APOD: variants seen among roughly 807,000 people sequenced by gnomAD.
APOD encodes apo-D.
Under a neutral mutation model 20.4 loss-of-function variants are expected in APOD, and 22 were observed. The ratio of observed to expected loss-of-function variants is 1.08; its 90% CI spans 0.77 to 1.54. The LOEUF (loss-of-function observed/expected upper bound fraction) is 1.54, where lower values mean the gene tolerates loss of function less well. Ranked by LOEUF, APOD falls within the 40% of genes most tolerant of loss-of-function variation. The pLI is 0.00. For missense variants in APOD, 223 were observed against 229.6 expected (o/e 0.97, Z 0.19); for synonymous variants, 97 against 92.4 (o/e 1.05, Z -0.29).
At chr3:195,579,043 G>A (rs1463609315) in intron 2 of APOD, among the ~76,000 whole-genome samples, 1 of 152,150 alleles carries the variant, frequency 6.6e-6, no homozygotes, top group Non-Finnish European at 1.5e-5. Context: ...CTCAGAGGGT[G>A]CCCAGTGTGA....
At chr3:195,574,059 T>A in intron 2 of APOD, 88 bp from the exon 3 acceptor site, 1 of 1,533,278 alleles carries the variant, frequency 6.5e-7, no homozygotes. Flanking sequence ...CAGAGCCCTG[T>A]CCTGGGGAAG....
At chr3:195,572,602 C>T (rs944349094) in intron 3 of APOD, among the ~76,000 whole-genome samples, 2 of 152,106 alleles carry the variant, frequency 1.3e-5, no homozygotes, top group Non-Finnish European at 2.9e-5. Flanking sequence ...AGGGAGGGTG[C>T]TAAGGCATCA....
At chr3:195,574,910 C>T (rs1248247467) in intron 2 of APOD, among the ~76,000 whole-genome samples, 1 of 152,196 alleles carries the variant, frequency 6.6e-6, no homozygotes, top group African/African-American at 2.4e-5. Flanking sequence ...TATTAAGGCA[C>T]CTTTTGTGTA....
At chr3:195,573,619 T>C (rs547218164) in intron 3 of APOD, among the ~76,000 whole-genome samples, 1 of 152,348 alleles carries the variant, frequency 6.6e-6, no homozygotes, top group South Asian at 2.1e-4. Flanking sequence ...TATTTTGCAG[T>C]GAGTGCAGGA....
At chr3:195,570,491 T>C (rs1720141114) in intron 4 of APOD, 1 of 152,232 alleles carries the variant, frequency 6.6e-6, no homozygotes, top group Admixed American at 6.5e-5. Context: ...TCTTGGTCTA[T>C]AAAATTAGAA....
chr3:195,571,713 GT>G (rs1347424336), intron 3 of APOD, among the ~76,000 whole-genome samples: 2 of 151,992 alleles, frequency 1.3e-5, no homozygotes, highest in Non-Finnish European at 2.9e-5. Context: ...CCTGCTCCCA[GT>G]CTCCAAAGAA....
chr3:195,579,471 G>T lies in APOD; in HGVS notation c.-10C>A. On this transcript the variant is annotated 5_prime_UTR_variant, in exon 2 of 5. Coordinates refer to ENST00000343267, the MANE Select transcript of APOD (RefSeq NM_001647.4). ...GCAGCAGCATCACCATCTTGGGGCT[G>T]GGTGGCTGGAGAAGGGACCTGGAGC... 1.9e-6 allele frequency: 3 copies of T among 1,611,780 alleles called. No homozygotes were observed. Among genetic ancestry groups the T allele is most frequent in the Non-Finnish European group, 2.5e-6 (3 of 1,179,994 alleles).
chr3:195,581,987 G>A (rs7614493), intron 1 of APOD, among the ~76,000 whole-genome samples: 3,500 of 152,238 alleles, frequency 0.023, 59 homozygotes, highest in Middle Eastern at 0.051. Context: ...TGACCAACAT[G>A]GAGAAACCCT....
rs765342921 is a variant in APOD at position 195,579,509 on chromosome 3, A to C, written c.-34-14T>G. 1 of 1,602,160 alleles carries C rather than the reference A, an allele frequency of 6.2e-7. No homozygotes were observed. Among genetic ancestry groups the C allele is most frequent in the East Asian group, 2.2e-5 (1 of 44,834 alleles). The stretch of plus-strand genomic sequence containing the variant: ...AGGGACCTGGAGCTGCGGGAACGCA[A>C]AGCAGCTGGGGTTGTCATTCTGAGC... On this transcript the variant is annotated splice_polypyrimidine_tract_variant and intron_variant, in intron 1 of 4. Transcript: ENST00000343267.
Position 195,579,322 on chromosome 3 carries a change from G to T in APOD, c.123+17C>A, listed in dbSNP as rs372722113. The T allele has an allele frequency of 5.0e-6, 8 of 1,613,914 alleles. No homozygotes were observed. In the East Asian group the frequency reaches 1.8e-4, roughly 36 times the overall value. On this transcript the variant is annotated intron_variant, in intron 2 of 4. Coordinates refer to ENST00000343267, the MANE Select transcript of APOD (RefSeq NM_001647.4). Reference sequence around the variant, plus strand: ...CACAGCGGAGGCAGCAAAACAAACGGGAGGTTCGCCTTTTACCTTATTCAC... The same window carrying T: ...CACAGCGGAGGCAGCAAAACAAACGTGAGGTTCGCCTTTTACCTTATTCAC...
chr3:195,581,271 C>T (rs977617744), intron 1 of APOD, among the ~76,000 whole-genome samples: 1 of 152,146 alleles, frequency 6.6e-6, no homozygotes, highest in African/African-American at 2.4e-5. Flanking sequence ...GGGCCACTTT[C>T]CCTGGTCTCT....
At chr3:195,575,954 A>T (rs1217876546) in intron 2 of APOD, among the ~76,000 whole-genome samples, 1 of 152,164 alleles carries the variant, frequency 6.6e-6, no homozygotes, top group Non-Finnish European at 1.5e-5. Flanking sequence ...ACAAAAAGAG[A>T]TGCGCTCACC....
chr3:195,572,750 G>A (rs1303158917), intron 3 of APOD, among the ~76,000 whole-genome samples: 1 of 151,962 alleles, frequency 6.6e-6, no homozygotes, highest in African/African-American at 2.4e-5. Context: ...GGTGGCTCAC[G>A]CCTGTAATCC....
intron 4 of APOD, among the ~76,000 whole-genome samples, chr3:195,570,214 T>G (rs1720136796): frequency 1.3e-5 from 2 of 152,182 alleles, no homozygotes; most frequent in African/African-American, 4.8e-5. Flanking sequence ...AATACTCAGT[T>G]GAGAGTTTGG....
At chr3:195,581,452 G>A (rs941928627) in intron 1 of APOD, among the ~76,000 whole-genome samples, 2 of 152,200 alleles carry the variant, frequency 1.3e-5, no homozygotes, top group African/African-American at 4.8e-5. Context: ...CTGGCCCAGA[G>A]GATCAAACCT....
At chr3:195,572,671 C>T (rs2108968280) in intron 3 of APOD, among the ~76,000 whole-genome samples, 1 of 152,188 alleles carries the variant, frequency 6.6e-6, no homozygotes, top group Admixed American at 6.5e-5. Context: ...ATCCTCAAGG[C>T]AGAGCAGGGA....
At chr3:195,572,325 T>C (rs1720175139) in intron 3 of APOD, among the ~76,000 whole-genome samples, 1 of 152,164 alleles carries the variant, frequency 6.6e-6, no homozygotes. Context: ...TGAAGAAACA[T>C]TTACTTTATC....
Position 195,582,367 on chromosome 3 carries a change from T to C in APOD, c.-35+1511A>G, listed in dbSNP as rs114126286. Among the ~76,000 whole-genome samples the C allele has an allele frequency of 9.2e-3, 1,408 of 152,338 alleles. 15 individuals are homozygous for C. Among genetic ancestry groups the C allele is most frequent in the Middle Eastern group, 0.02 (6 of 294 alleles). On this transcript the variant is annotated intron_variant, in intron 1 of 4. Transcript: ENST00000343267. ...ACATATGGATTATATACGACATATA[T>C]TTTTGCATCTTCTTCTGATATCAAT...
intron 1 of APOD, 137 bp from the exon 2 acceptor site, chr3:195,579,632 A>T: frequency 5.5e-6 from 5 of 904,062 alleles, no homozygotes; most frequent in Admixed American, 2.5e-5. Flanking sequence ...GTGAACCCTC[A>T]TCCTGCAGGG....
Sources: allele counts gnomAD v4.1 joint callset (sites outside exome capture counted in the v4.1 genomes callset), GRCh38; gene constraint gnomAD v4.1.1; transcripts MANE v1.5; gene names NCBI Gene and HGNC (gene_info 2026-07-23, HGNC 2026-07-21).